The following OTUD4 variants were observed in gnomAD, a reference collection of about 807,000 sequenced individuals.
OTUD4 encodes the protein OTU deubiquitinase 4.
A neutral mutation model predicts 130.4 loss-of-function variants in OTUD4; 24 were observed. The ratio of observed to expected loss-of-function variants is 0.18; its 90% CI spans 0.13 to 0.26. The LOEUF is 0.26. Among genes scored for constraint, OTUD4 ranks in the 10% least tolerant of loss-of-function variants. The pLI is 1.00. For synonymous variants in OTUD4, 420 were observed against 472.5 expected, an observed-to-expected ratio of 0.89 and a Z score of 1.44; for missense variants, 1,031 against 1,329.4, an observed-to-expected ratio of 0.78 and a Z score of 3.49.
chr4:145,140,941 A>G (rs1029744936), intron 19 of OTUD4, among the ~76,000 whole-genome samples: 2 of 152,114 alleles, frequency 1.3e-5, no homozygotes, highest in African/African-American at 4.8e-5. Context: ...CAAGGCACGC[A>G]GATTACGAGG....
At chr4:145,170,817 G>A (rs544515411) in intron 3 of OTUD4, 1 of 152,080 alleles carries the variant, frequency 6.6e-6, no homozygotes, top group South Asian at 2.1e-4. Flanking sequence ...ATTCTAAATG[G>A]CATTCCAAGA....
At position 145,152,538 on chromosome 4, in the gene OTUD4, T is replaced by C. The variant is rs1047134703; in HGVS notation, c.968+3A>G. On this transcript the variant is annotated splice_donor_region_variant and intron_variant, in intron 11 of 20. Coordinates refer to ENST00000447906, the MANE Select transcript of OTUD4 (RefSeq NM_001366057.1). ...AATGCCTTAGCTGAAGAGTAGTACA[T>C]ACTTCTTTCCCAGTTCTTCAACCAA... 6.5e-7 allele frequency: 1 copy of C among 1,528,552 alleles called. No homozygotes were observed. The highest frequency in any genetic ancestry group is 9.1e-7 in the Non-Finnish European group (1 of 1,104,306). The allele number at this position is 1,528,552 out of a possible 1,614,324, so 94.7% of individuals were successfully genotyped here.
rs1343883020 is a variant in OTUD4, at chr4:145,150,892, T to G, written c.982A>C (p.Asn328His). 4 of 1,612,676 alleles carry G rather than the reference T, an allele frequency of 2.5e-6. No homozygotes were observed. In the South Asian group the frequency reaches 3.3e-5, roughly 13 times the overall value. ...CTTTCTGGGGGAGGTGCCTTGAGGT[T>G]CTTTGATGTGTGCCTTCAAAGGGGA... is the stretch of plus-strand genomic sequence containing the variant. ...EELGKKHTSK[N>H]LKAPPPESWN... Residue 328 changes from asparagine to histidine, a missense_variant, in exon 12 of 21, where the codon AAC (asparagine) becomes CAC (histidine). Asn to His is a moderately conservative substitution (Grantham distance 68). Around this residue, in one of 3 missense-constraint regions of OTUD4, gnomAD observed 900 missense variants for 1,095.9 expected, o/e 0.82. Transcript: ENST00000447906.
rs1292497533 is a variant in OTUD4, at chr4:145,133,793, A to C, written c.*3637T>G. 2 of 152,562 alleles carry C rather than the reference A, an allele frequency of 1.3e-5. No homozygotes were observed. The highest frequency in any genetic ancestry group is 2.9e-5 in the Non-Finnish European group (2 of 68,032). The allele number at this position is 152,562 out of a possible 1,614,324, so 9.5% of individuals were successfully genotyped here. A position where few individuals can be genotyped will look rare whatever the true frequency, so the allele number is the denominator to read the frequency against. On this transcript the variant is annotated 3_prime_UTR_variant, in exon 21 of 21. Coordinates refer to ENST00000447906, the MANE Select transcript of OTUD4 (RefSeq NM_001366057.1). ...CAAAACAGAACATAGAAAAATAAAC[A>C]GGAATATATTCAACACTTACAAAAA...
chr4:145,155,922 T>G lies in OTUD4; in HGVS notation c.690+14A>C. 5 of 1,596,200 alleles carry G rather than the reference T, an allele frequency of 3.1e-6. No individual in the cohort carries two copies. Among genetic ancestry groups the G allele is most frequent in the Non-Finnish European group, 4.3e-6 (5 of 1,171,800 alleles). ...TTAAAGAACTACATTTAAAACCACT[T>G]TTAAAAAAAATACCTCATTGCCTGA... On this transcript the variant is annotated intron_variant, in intron 8 of 20. Transcript: ENST00000447906.
rs770374349 is a variant in OTUD4, at chr4:145,144,308, T to C, written c.1546+3A>G. On this transcript the variant is annotated splice_donor_region_variant and intron_variant, in intron 15 of 20. Coordinates refer to ENST00000447906, the MANE Select transcript of OTUD4 (RefSeq NM_001366057.1). The stretch of plus-strand genomic sequence containing the variant: ...TCTGCTTTCTAATGATGAGATAACT[T>C]ACCTTTGTCTTTTCGTTCTTCTGTA... The C allele has an allele frequency of 6.2e-7, 1 of 1,609,480 alleles. No homozygotes were observed. The highest frequency in any genetic ancestry group is 8.5e-7 in the Non-Finnish European group (1 of 1,178,664).
chr4:145,163,605 A>G (rs1268738878), intron 5 of OTUD4, among the ~76,000 whole-genome samples: 1 of 152,010 alleles, frequency 6.6e-6, no homozygotes. Flanking sequence ...CTCATAATTC[A>G]GTGTTTCTAC....
intron 7 of OTUD4, among the ~76,000 whole-genome samples, chr4:145,157,980 A>G (rs1751374642): frequency 6.6e-6 from 1 of 152,212 alleles, no homozygotes; most frequent in Admixed American, 6.5e-5. Flanking sequence ...AGTTGTAACA[A>G]GCTAGTCATT....
At chr4:145,142,119 A>C in intron 18 of OTUD4, 77 bp downstream of exon 18, 1 of 1,318,574 alleles carries the variant, frequency 7.6e-7, no homozygotes, top group South Asian at 1.3e-5. Flanking sequence ...TCAGAGGTCA[A>C]ACTTCCACTC....
In OTUD4 at chr4:145,162,705, GA is replaced by G; in HGVS notation, c.430del (p.Ser144GlnfsTer12). ...CACAATATCATAATGATTTCCATTT[GA>G]AAAACACAGTAACACCTGAAAGGGA... ...NFPEKVLLCF[S>X]NGNHYDIVYP... On this transcript the variant is annotated frameshift_variant, in exon 6 of 21. Coordinates refer to ENST00000447906, the MANE Select transcript of OTUD4 (RefSeq NM_001366057.1). LOFTEE classifies it high-confidence loss of function. 6.5e-7 allele frequency: 1 copy of G among 1,547,728 alleles called. No homozygotes were observed. The highest frequency in any genetic ancestry group is 8.8e-7 in the Non-Finnish European group (1 of 1,131,492).
intron 11 of OTUD4, 115 bp downstream of exon 11, chr4:145,152,426 T>G: frequency 3.1e-6 from 2 of 648,062 alleles, no homozygotes; most frequent in Non-Finnish European, 5.5e-6. Flanking sequence ...ATACTTTCTA[T>G]ACATGGGCAA....
Position 145,137,374 on chromosome 4 carries a change from C to T in OTUD4, c.*56G>A. ...TTACTTTATTGTATTTTTTTTAAAG[C>T]CTTCAGAAACATTCCACCTAAGAGT... On this transcript the variant is annotated 3_prime_UTR_variant, in exon 21 of 21. Coordinates refer to ENST00000447906, the MANE Select transcript of OTUD4 (RefSeq NM_001366057.1). The T allele has an allele frequency of 1.4e-6, 2 of 1,414,582 alleles. No homozygotes were observed. Among genetic ancestry groups the T allele is most frequent in the Non-Finnish European group, 1.9e-6 (2 of 1,035,182 alleles). The allele number at this position is 1,414,582 out of a possible 1,614,324, so 87.6% of individuals were successfully genotyped here.
At chr4:145,165,428 T>G (rs766888510) in intron 3 of OTUD4, among the ~76,000 whole-genome samples, 1 of 151,830 alleles carries the variant, frequency 6.6e-6, no homozygotes, top group African/African-American at 2.4e-5. Flanking sequence ...CAGGGTGAAA[T>G]GACAGTTCCT....
chr4:145,141,077 G>A (rs1369029064), intron 19 of OTUD4, among the ~76,000 whole-genome samples: 1 of 150,638 alleles, frequency 6.6e-6, no homozygotes, highest in East Asian at 2.0e-4. Context: ...GCTGAAGTGG[G>A]AGAATTGTTT....
chr4:145,144,302 A>G lies in OTUD4; in HGVS notation c.1546+9T>C, dbSNP rs1579247434. On this transcript the variant is annotated intron_variant, in intron 15 of 20. Coordinates refer to ENST00000447906, the MANE Select transcript of OTUD4 (RefSeq NM_001366057.1). ...CTAGCATCTGCTTTCTAATGATGAGATAACTTACCTTTGTCTTTTCGTTCT... is the reference window on the plus strand; with the variant it reads ...CTAGCATCTGCTTTCTAATGATGAGGTAACTTACCTTTGTCTTTTCGTTCT... 1 of 1,608,342 alleles carries G rather than the reference A, an allele frequency of 6.2e-7. No homozygotes were observed. Among genetic ancestry groups the G allele is most frequent in the Non-Finnish European group, 8.5e-7 (1 of 1,178,476 alleles).
chr4:145,140,602 CTT>C (rs1460241362), intron 19 of OTUD4, among the ~76,000 whole-genome samples: 3 of 151,964 alleles, frequency 2.0e-5, no homozygotes, highest in Non-Finnish European at 4.4e-5. Context: ...GGAAAGCAAA[CTT>C]TGAAAGAATT....
At chr4:145,164,713 C>T (rs1751760953) in intron 4 of OTUD4, among the ~76,000 whole-genome samples, 1 of 151,876 alleles carries the variant, frequency 6.6e-6, no homozygotes, top group Non-Finnish European at 1.5e-5. Flanking sequence ...ATTAGGGATG[C>T]TCAACTGGGT....
chr4:145,164,058 T>A, intron 5 of OTUD4, 96 bp downstream of exon 5: 1 of 637,144 alleles, frequency 1.6e-6, no homozygotes, highest in Non-Finnish European at 2.8e-6. Flanking sequence ...CAGAAATATT[T>A]CAAAAAATCA....
At chr4:145,152,693 C>CATT in intron 10 of OTUD4, 58 bp from the exon 11 acceptor site, 1 of 922,090 alleles carries the variant, frequency 1.1e-6, no homozygotes, top group African/African-American at 1.7e-5. Flanking sequence ...GCTTCCTTTG[C>CATT]ATTACTTATC....
Sources: gnomAD v4.1 joint callset for allele counts (sites outside exome capture counted in the v4.1 genomes callset) on GRCh38, gnomAD v4.1.1 for gene constraint, gnomAD v4.1.1 regional missense constraint, MANE v1.5 for transcripts, NCBI Gene and HGNC (gene_info 2026-07-23, HGNC 2026-07-21) for gene names.